Variants in SIRT5 observed in about 807,000 individuals in gnomAD.
The protein encoded by SIRT5 is sirtuin 5.
In SIRT5, 26 loss-of-function variants were observed where a neutral mutation model predicts 40.0. That is an observed-to-expected ratio of 0.65 (90% CI 0.48 to 0.90). SIRT5 has a LOEUF of 0.90. SIRT5 is among the 40% of genes least tolerant of loss of function. SIRT5 has a pLI of 0.00. For synonymous variants in SIRT5, 146 were observed against 149.1 expected (o/e 0.98, Z 0.15); for missense variants, 401 against 402.4 (o/e 1.00, Z 0.03).
chr6:13,583,413 G>A (rs907372213), intron 2 of SIRT5, among the ~76,000 whole-genome samples: 4 of 149,286 alleles, frequency 2.7e-5, no homozygotes, highest in African/African-American at 9.9e-5. Context: ...TCCTGCCTCA[G>A]TTTCCTGAGT....
At position 13,593,585 on chromosome 6, in the gene SIRT5, T is replaced by C. The variant is rs1243551675; in HGVS notation, c.475+1691T>C. On this transcript the variant is annotated intron_variant, in intron 5 of 9. Transcript: ENST00000606117. ...GTGTTAGTCAGGACTTTTTAAAATT[T>C]CAAACGATGAGAACTCTCTTCTAAC... is the stretch of plus-strand genomic sequence containing the variant. Among the ~76,000 whole-genome samples, 4 of 152,182 alleles carry C rather than the reference T, an allele frequency of 2.6e-5. No individual in the cohort carries two copies. The East Asian group carries it at 7.7e-4, about 29-fold the overall frequency.
chr6:13,611,599 T>C (rs1763939730), intron 9 of SIRT5, among the ~76,000 whole-genome samples, 191 bp from the exon 10 acceptor site: 1 of 152,190 alleles, frequency 6.6e-6, no homozygotes, highest in South Asian at 2.1e-4. Context: ...GCCCAGCCCA[T>C]AGTGAAGTGT....
At chr6:13,598,888 T>C in intron 7 of SIRT5, 144 bp from the exon 8 acceptor site, 1 of 783,348 alleles carries the variant, frequency 1.3e-6, no homozygotes, top group Non-Finnish European at 2.0e-6. Flanking sequence ...CAAGTTTATA[T>C]AGGCTGGGAG....
intron 2 of SIRT5, among the ~76,000 whole-genome samples, chr6:13,581,595 T>A (rs1312865567): frequency 1.3e-5 from 2 of 152,224 alleles, no homozygotes; most frequent in African/African-American, 4.8e-5. Context: ...GTTGAAGGTA[T>A]TAGTAGTTTG....
chr6:13,597,633 C>T (rs1761760000), intron 7 of SIRT5, among the ~76,000 whole-genome samples: 1 of 151,994 alleles, frequency 6.6e-6, no homozygotes, highest in Non-Finnish European at 1.5e-5. Flanking sequence ...GCAACCTCCA[C>T]CTCCTGGGTT....
At chr6:13,595,790 C>T (rs1035252418) in intron 6 of SIRT5, among the ~76,000 whole-genome samples, 2 of 152,072 alleles carry the variant, frequency 1.3e-5, no homozygotes, top group Non-Finnish European at 2.9e-5. Context: ...CTGGGCAACA[C>T]AGTGAGAAAC....
At chr6:13,594,090 C>T (rs1245159719) in intron 5 of SIRT5, among the ~76,000 whole-genome samples, 1 of 152,088 alleles carries the variant, frequency 6.6e-6, no homozygotes, top group Admixed American at 6.6e-5. Flanking sequence ...AGACAACAGC[C>T]AAAACTTGCT....
At chr6:13,585,491 T>C (rs890454605) in intron 3 of SIRT5, among the ~76,000 whole-genome samples, 1 of 150,208 alleles carries the variant, frequency 6.7e-6, no homozygotes, top group African/African-American at 2.5e-5. Flanking sequence ...GAACGTGTGG[T>C]GTTTGGTTTT....
intron 9 of SIRT5, among the ~76,000 whole-genome samples, chr6:13,610,013 G>A (rs1763624342): frequency 6.6e-6 from 1 of 152,110 alleles, no homozygotes; most frequent in African/African-American, 2.4e-5. Flanking sequence ...ACCCAGGCTG[G>A]AGTCTGTACA....
intron 8 of SIRT5, 80 bp from the exon 9 acceptor site, chr6:13,600,754 T>G: frequency 8.9e-7 from 1 of 1,129,040 alleles, no homozygotes; most frequent in Non-Finnish European, 1.3e-6. Flanking sequence ...CCTGCCTGAG[T>G]TTGTGTAAGG....
At chr6:13,583,918 T>G (rs994226296) in intron 2 of SIRT5, among the ~76,000 whole-genome samples, 158 bp from the exon 3 acceptor site, 1 of 152,212 alleles carries the variant, frequency 6.6e-6, no homozygotes, top group Non-Finnish European at 1.5e-5. Context: ...TACTAAAGAT[T>G]TTTTAAAGGA....
intron 9 of SIRT5, among the ~76,000 whole-genome samples, chr6:13,611,284 CA>C (rs1584889609): frequency 7.0e-6 from 1 of 142,444 alleles, no homozygotes; most frequent in Admixed American, 7.1e-5. Flanking sequence ...CATATATACA[CA>C]AAAAAGTATG....
At chr6:13,578,651 ATTAG>A (rs1562259972) in intron 1 of SIRT5, among the ~76,000 whole-genome samples, 2 of 147,716 alleles carry the variant, frequency 1.4e-5, no homozygotes, top group African/African-American at 5.0e-5. Flanking sequence ...AATAATTGGT[ATTAG>A]TTCTGCTTTA....
At chr6:13,597,323 G>A (rs1761691604) in intron 7 of SIRT5, among the ~76,000 whole-genome samples, 1 of 151,334 alleles carries the variant, frequency 6.6e-6, no homozygotes, top group South Asian at 2.1e-4. Flanking sequence ...CATAGGGGCT[G>A]ACCTGTAACT....
At chr6:13,602,558 A>G (rs1465345270) in intron 9 of SIRT5, among the ~76,000 whole-genome samples, 1 of 152,198 alleles carries the variant, frequency 6.6e-6, no homozygotes, top group Non-Finnish European at 1.5e-5. Context: ...TGGCACTGGC[A>G]TAGGATAGAT....
chr6:13,604,620 C>T, intron 9 of SIRT5: 3 of 1,488,264 alleles, frequency 2.0e-6, no homozygotes, highest in Admixed American at 2.5e-5. Context: ...TGGCCCCCAC[C>T]TCCCATGCCA....
chr6:13,592,911 TTTAA>T (rs1261491685), intron 5 of SIRT5, among the ~76,000 whole-genome samples: 12 of 94,424 alleles, frequency 1.3e-4, no homozygotes, highest in African/African-American at 2.5e-4. Flanking sequence ...TTTAATTTAA[TTTAA>T]TTTTTTTTTT....
chr6:13,593,228 T>A (rs1761158117), intron 5 of SIRT5, among the ~76,000 whole-genome samples: 1 of 152,162 alleles, frequency 6.6e-6, no homozygotes, highest in Non-Finnish European at 1.5e-5. Flanking sequence ...CATTTCTAAG[T>A]GTAGCATTTC....
At chr6:13,590,734 TAGTTGTGTGTATGTAC>T (rs1214164826) in intron 4 of SIRT5, among the ~76,000 whole-genome samples, 41 of 152,042 alleles carry the variant, frequency 2.7e-4, no homozygotes, top group African/African-American at 9.2e-4. Context: ...GTTGTGTATG[TAGTTGTGTGTATGTAC>T]AGTTGTGTGT....
Sources: gnomAD v4.1 joint callset for allele counts (sites outside exome capture counted in the v4.1 genomes callset) on GRCh38, gnomAD v4.1.1 for gene constraint, MANE v1.5 for transcripts, NCBI Gene and HGNC (gene_info 2026-07-23, HGNC 2026-07-21) for gene names.